Variants in SPAG16 observed in about 807,000 individuals in gnomAD.
SPAG16 encodes sperm-associated antigen 16 protein.
Under a neutral mutation model 80.4 loss-of-function variants are expected in SPAG16, and 86 were observed. The ratio of observed to expected loss-of-function variants is 1.07; its 90% CI spans 0.90 to 1.28. SPAG16 has a LOEUF of 1.28. Ranked by LOEUF, SPAG16 falls within the 50% of genes most tolerant of loss-of-function variation. The pLI is 0.00. For missense variants in SPAG16, 870 were observed against 765.3 expected, an observed-to-expected ratio of 1.14 and a Z score of -1.61; for synonymous variants, 294 against 265.9, an observed-to-expected ratio of 1.11 and a Z score of -1.03.
At chr2:214,250,757 T>TATAGAGAGAG (rs1475343777) in intron 15 of SPAG16, among the ~76,000 whole-genome samples, 31 of 91,270 alleles carry the variant, frequency 3.4e-4, no homozygotes, top group East Asian at 2.0e-3. Flanking sequence ...TATATATATA[T>TATAGAGAGAG]AGAGAGAGAG....
intron 12 of SPAG16, among the ~76,000 whole-genome samples, chr2:213,976,315 T>A (rs1036862066): frequency 1.3e-5 from 2 of 149,836 alleles, no homozygotes; most frequent in Non-Finnish European, 3.0e-5. Context: ...TGTGTGCGCA[T>A]ATGTGTACGC....
chr2:213,998,976 A>G (rs972515801), intron 12 of SPAG16, among the ~76,000 whole-genome samples: 8 of 152,218 alleles, frequency 5.3e-5, no homozygotes, highest in African/African-American at 1.9e-4. Flanking sequence ...TGTTAAAGGC[A>G]TTCAGTTTTA....
chr2:213,413,071 T>C (rs73990347), intron 9 of SPAG16, among the ~76,000 whole-genome samples: 1,984 of 152,238 alleles, frequency 0.013, 42 homozygotes, highest in African/African-American at 0.044. Flanking sequence ...GTTGATACTA[T>C]AAATGGTGTT....
intron 15 of SPAG16, among the ~76,000 whole-genome samples, chr2:214,219,692 A>G (rs930894015): frequency 1.3e-5 from 2 of 152,148 alleles, no homozygotes; most frequent in African/African-American, 4.8e-5. Context: ...ACATCACAAT[A>G]TTTTATTCCA....
At chr2:213,918,776 A>G (rs932465591) in intron 11 of SPAG16, among the ~76,000 whole-genome samples, 1 of 152,164 alleles carries the variant, frequency 6.6e-6, no homozygotes, top group African/African-American at 2.4e-5. Flanking sequence ...GGACTAATAC[A>G]TAGACTTTTT....
intron 9 of SPAG16, among the ~76,000 whole-genome samples, chr2:213,424,745 T>TA (rs2069803909): frequency 6.6e-6 from 1 of 152,226 alleles, no homozygotes; most frequent in African/African-American, 2.4e-5. Flanking sequence ...TTACATTTTT[T>TA]AAAGATACCC....
At chr2:213,418,969 A>G (rs2069429384) in intron 9 of SPAG16, among the ~76,000 whole-genome samples, 1 of 141,722 alleles carries the variant, frequency 7.1e-6, no homozygotes, top group Admixed American at 7.1e-5. Context: ...TTTCTTTAGA[A>G]AGGAACCATT....
At chr2:213,853,590 T>A (rs543153817) in intron 10 of SPAG16, among the ~76,000 whole-genome samples, 6 of 152,242 alleles carry the variant, frequency 3.9e-5, no homozygotes, top group Non-Finnish European at 8.8e-5. Flanking sequence ...TTTTCTTGAA[T>A]CTGTAAGATG....
At chr2:213,576,788 G>C (rs1481302227) in intron 10 of SPAG16, among the ~76,000 whole-genome samples, 1 of 152,044 alleles carries the variant, frequency 6.6e-6, no homozygotes, top group Non-Finnish European at 1.5e-5. Context: ...GGAACTAAAT[G>C]ATAAGAACAC....
rs368614647 is a variant in SPAG16, at chr2:213,440,556, A to AAACAACAAC, written c.943-49386_943-49378dup. Among the ~76,000 whole-genome samples, 1,285 of 151,730 alleles carry AAACAACAAC rather than the reference A, an allele frequency of 8.5e-3. 17 individuals are homozygous for AAACAACAAC. The highest frequency in any genetic ancestry group is 0.029 in the African/African-American group (1,191 of 41,342). On this transcript the variant is annotated intron_variant, in intron 9 of 15. Transcript: ENST00000331683. ...GGTGACAGAGCGAGACTCCATCTCA[A>AAACAACAAC]AACAACAACAACAACAACAACAACA...
intron 10 of SPAG16, among the ~76,000 whole-genome samples, chr2:213,838,630 T>A (rs188821403): frequency 1.4e-3 from 218 of 152,372 alleles, no homozygotes; most frequent in Non-Finnish European, 2.6e-3. Flanking sequence ...AATACCTTTT[T>A]CTATAAAATA....
At chr2:214,137,823 T>A (rs1343617579) in intron 14 of SPAG16, among the ~76,000 whole-genome samples, 5 of 152,180 alleles carry the variant, frequency 3.3e-5, no homozygotes, top group African/African-American at 1.2e-4. Context: ...AAACTGTTAA[T>A]TTTAGTTGTC....
At chr2:213,827,988 GTCT>G (rs1186636565) in intron 10 of SPAG16, among the ~76,000 whole-genome samples, 1 of 152,034 alleles carries the variant, frequency 6.6e-6, no homozygotes. Flanking sequence ...CACTGAGGTA[GTCT>G]TCTTTGGGTT....
At chr2:213,549,983 T>C (rs2076734935) in intron 10 of SPAG16, among the ~76,000 whole-genome samples, 1 of 152,076 alleles carries the variant, frequency 6.6e-6, no homozygotes, top group South Asian at 2.1e-4. Flanking sequence ...TAAACCTTAT[T>C]ATGCCACTTA....
At chr2:213,762,384 G>T (rs919914291) in intron 10 of SPAG16, among the ~76,000 whole-genome samples, 2 of 152,006 alleles carry the variant, frequency 1.3e-5, no homozygotes, top group Non-Finnish European at 2.9e-5. Context: ...ATTTTACCAC[G>T]ATAAAAAATG....
intron 12 of SPAG16, among the ~76,000 whole-genome samples, chr2:213,990,839 C>A (rs1214452383): frequency 1.3e-5 from 2 of 151,956 alleles, no homozygotes; most frequent in African/African-American, 4.8e-5. Flanking sequence ...GAAAAAAGTG[C>A]CCCATATGGA....
At chr2:213,645,676 A>T (rs923934683) in intron 10 of SPAG16, among the ~76,000 whole-genome samples, 1 of 151,910 alleles carries the variant, frequency 6.6e-6, no homozygotes, top group African/African-American at 2.4e-5. Context: ...AGCAAAATGG[A>T]GGGGTCTCTT....
chr2:213,415,207 G>A (rs1448537352), intron 9 of SPAG16, among the ~76,000 whole-genome samples: 1 of 152,220 alleles, frequency 6.6e-6, no homozygotes, highest in Non-Finnish European at 1.5e-5. Context: ...GGCTGTGCCA[G>A]CACATGCAAA....
At chr2:213,525,548 A>C (rs2075858372) in intron 10 of SPAG16, among the ~76,000 whole-genome samples, 1 of 151,876 alleles carries the variant, frequency 6.6e-6, no homozygotes, top group Admixed American at 6.6e-5. Context: ...CGGCCTCCCA[A>C]AGTGCTGGGA....
Sources: allele counts gnomAD v4.1 joint callset (sites outside exome capture counted in the v4.1 genomes callset), GRCh38; gene constraint gnomAD v4.1.1; transcripts MANE v1.5; gene names NCBI Gene and HGNC (gene_info 2026-07-23, HGNC 2026-07-21).